SIN3A: variants seen among roughly 807,000 people sequenced by gnomAD.
SIN3A encodes paired amphipathic helix protein Sin3a.
A neutral mutation model predicts 146.1 loss-of-function variants in SIN3A; 14 were observed. The ratio of observed to expected loss-of-function variants is 0.10; its 90% CI spans 0.06 to 0.15. The LOEUF (loss-of-function observed/expected upper bound fraction) is 0.15. Among genes scored for constraint, SIN3A ranks in the 10% least tolerant of loss-of-function variants. SIN3A has a pLI of 1.00. For missense variants in SIN3A, 1,028 were observed against 1,576.0 expected (o/e 0.65, Z 5.89); for synonymous variants, 572 against 572.0 (o/e 1.00, Z 0.00).
At chr15:75,409,766 C>T (rs2073595162) in intron 8 of SIN3A, 70 bp downstream of exon 8, 1 of 1,488,334 alleles carries the variant, frequency 6.7e-7, no homozygotes, top group Non-Finnish European at 9.1e-7. Context: ...AACACATGAC[C>T]ACCTCTAGAG....
chr15:75,413,725 A>T (rs2141502949), intron 4 of SIN3A, among the ~76,000 whole-genome samples: 1 of 152,250 alleles, frequency 6.6e-6, no homozygotes, highest in South Asian at 2.1e-4. Context: ...TGGAATGGTC[A>T]AAATTTTTAA....
chr15:75,405,889 G>C (rs904039705), intron 9 of SIN3A, among the ~76,000 whole-genome samples: 9 of 151,664 alleles, frequency 5.9e-5, no homozygotes, highest in Admixed American at 5.2e-4. Context: ...ACATTTATTG[G>C]TTGTGATCTA....
intron 15 of SIN3A, 30 bp downstream of exon 15, chr15:75,392,212 C>T: frequency 1.3e-6 from 2 of 1,594,732 alleles, no homozygotes; most frequent in Non-Finnish European, 1.7e-6. Flanking sequence ...CCTCACACAT[C>T]CTCTGTAAAT....
upstream of SIN3A, among the ~76,000 whole-genome samples, chr15:75,452,794 A>G (rs2074430925): frequency 6.6e-6 from 1 of 152,262 alleles, no homozygotes; most frequent in Non-Finnish European, 1.5e-5. Context: ...AGGCCACGGC[A>G]TAAATTAACA....
chr15:75,404,759 GAAAA>G (rs2073475748), intron 9 of SIN3A, among the ~76,000 whole-genome samples: 6 of 94,116 alleles, frequency 6.4e-5, no homozygotes. Context: ...GACTGTCCCA[GAAAA>G]AAAATAAAAA....
chr15:75,435,405 A>G (rs894622512), intron 1 of SIN3A, among the ~76,000 whole-genome samples: 3 of 152,248 alleles, frequency 2.0e-5, no homozygotes, highest in Admixed American at 2.0e-4. Context: ...TTAAGTGAAA[A>G]CAGCAGGCTA....
chr15:75,413,891 G>C (rs1470047236), intron 4 of SIN3A, among the ~76,000 whole-genome samples: 1 of 152,144 alleles, frequency 6.6e-6, no homozygotes, highest in Non-Finnish European at 1.5e-5. Context: ...TCTTACAACA[G>C]TGAACCATGC....
chr15:75,441,756 G>T (rs543907713), intron 1 of SIN3A, among the ~76,000 whole-genome samples: 7 of 152,004 alleles, frequency 4.6e-5, no homozygotes, highest in Non-Finnish European at 1.0e-4. Context: ...AATTTTGTTG[G>T]AGAGAACAGT....
chr15:75,415,971 C>T (rs1189355639), intron 3 of SIN3A: 2 of 336,334 alleles, frequency 5.9e-6, no homozygotes, highest in South Asian at 3.0e-5. Context: ...AATGGAGATG[C>T]CAAAACAGAC....
chr15:75,443,813 A>T (rs1319846913), intron 1 of SIN3A: 2 of 152,268 alleles, frequency 1.3e-5, no homozygotes, highest in South Asian at 2.1e-4. Context: ...GAGGATGCTT[A>T]GGAGGGATGA....
chr15:75,372,840 A>ACCCAAAACC (rs367946954), intron 20 of SIN3A, among the ~76,000 whole-genome samples: 1 of 148,868 alleles, frequency 6.7e-6, no homozygotes, highest in African/African-American at 2.5e-5. Context: ...AAAAAAAAAA[A>ACCCAAAACC]CCCAAAACCC....
Position 75,392,912 on chromosome 15 carries a change from G to A in SIN3A, c.2278-97C>T, listed in dbSNP as rs187330601. The A allele has an allele frequency of 1.2e-5, 11 of 927,622 alleles. No individual in the cohort carries two copies. In the Admixed American group the frequency reaches 2.4e-4, roughly 21 times the overall value. 57.5% of individuals were successfully genotyped at this position (927,622 alleles called of 1,614,324 possible). On this transcript the variant is annotated intron_variant, in intron 14 of 20. Transcript: ENST00000394947. ...GCCATACATCCCATTATCAACCACAGTGTCTATATTTTTCTAATCAAAAAC... is the reference window on the plus strand; with the variant it reads ...GCCATACATCCCATTATCAACCACAATGTCTATATTTTTCTAATCAAAAAC...
At chr15:75,453,531 G>C (rs1183013201), upstream of SIN3A, 1 of 152,420 alleles carries the variant, frequency 6.6e-6, no homozygotes, top group Non-Finnish European at 1.5e-5. Context: ...CCAGCATTAG[G>C]CCGCCCACGA....
intron 14 of SIN3A, among the ~76,000 whole-genome samples, chr15:75,393,933 G>A (rs1006627479): frequency 1.3e-5 from 2 of 151,908 alleles, no homozygotes; most frequent in East Asian, 1.9e-4. Context: ...TCATTCTGCC[G>A]AGTAGCTGGG....
chr15:75,444,426 C>CAAG (rs1439717839), intron 1 of SIN3A, among the ~76,000 whole-genome samples: 1 of 151,956 alleles, frequency 6.6e-6, no homozygotes, highest in Non-Finnish European at 1.5e-5. Context: ...GGGGATGGAA[C>CAAG]AAGACCGCAT....
chr15:75,378,931 C>T (rs917131183), intron 19 of SIN3A, among the ~76,000 whole-genome samples: 19 of 151,298 alleles, frequency 1.3e-4, no homozygotes, highest in African/African-American at 4.6e-4. Flanking sequence ...GGCAGAGTCT[C>T]ACTCGGTCAC....
In SIN3A at chr15:75,369,822, G is replaced by C. The variant is rs967753901; in HGVS notation, c.*2157C>G. On this transcript the variant is annotated 3_prime_UTR_variant, in exon 21 of 21. Transcript: ENST00000394947. ...GGTGAATTATTTGAGAAAACCTCAAGATCTTTCCCCTAAATCAGTACACAT... is the reference window on the plus strand; with the variant it reads ...GGTGAATTATTTGAGAAAACCTCAACATCTTTCCCCTAAATCAGTACACAT... 1.3e-5 allele frequency: 2 copies of C among 152,204 alleles called. No individual in the cohort carries two copies. Among genetic ancestry groups the C allele is most frequent in the Admixed American group, 6.5e-5 (1 of 15,282 alleles). 9.4% of individuals were successfully genotyped at this position (152,204 alleles called of 1,614,324 possible). A position where few individuals can be genotyped will look rare whatever the true frequency, so the allele number is the denominator to read the frequency against.
intron 12 of SIN3A, among the ~76,000 whole-genome samples, chr15:75,397,106 T>C (rs899194491): frequency 4.6e-5 from 7 of 152,234 alleles, no homozygotes; most frequent in African/African-American, 1.7e-4. Flanking sequence ...GGTAACCATT[T>C]AAATTCTTAT....
At chr15:75,403,979 T>C (rs899391824) in intron 9 of SIN3A, among the ~76,000 whole-genome samples, 4 of 152,232 alleles carry the variant, frequency 2.6e-5, no homozygotes, top group Non-Finnish European at 4.4e-5. Flanking sequence ...ATTTACAATA[T>C]TGAGCATCTT....
Sources: gnomAD v4.1 joint callset for allele counts (sites outside exome capture counted in the v4.1 genomes callset) on GRCh38, gnomAD v4.1.1 for gene constraint, MANE v1.5 for transcripts, NCBI Gene and HGNC (gene_info 2026-07-23, HGNC 2026-07-21) for gene names.